PHF14: variants seen among roughly 807,000 people sequenced by gnomAD.
The protein encoded by PHF14 is PHD finger protein 14.
Under a neutral mutation model 117.9 loss-of-function variants are expected in PHF14, and 55 were observed. The observed-to-expected ratio is 0.47, with a 90% CI of 0.38 to 0.58. The LOEUF is 0.58. PHF14 is among the 20% of genes least tolerant of loss of function. The pLI, the probability that PHF14 is intolerant of heterozygous loss-of-function variation, is 0.00. For missense variants in PHF14, 978 were observed against 1,122.2 expected, an observed-to-expected ratio of 0.87 and a Z score of 1.84; for synonymous variants, 409 against 368.6, an observed-to-expected ratio of 1.11 and a Z score of -1.26.
intron 16 of PHF14, among the ~76,000 whole-genome samples, chr7:11,080,774 A>G (rs1333577505): frequency 6.6e-6 from 1 of 152,232 alleles, no homozygotes; most frequent in African/African-American, 2.4e-5. Context: ...TAGTGATGTG[A>G]TTAAAGCATG....
intron 16 of PHF14, chr7:11,107,819 A>C: frequency 1.3e-6 from 1 of 770,634 alleles, no homozygotes; most frequent in South Asian, 5.9e-5. Context: ...TATTTTGATA[A>C]ATTTTGTCCT....
At chr7:11,119,531 A>C (rs893887576) in intron 17 of PHF14, among the ~76,000 whole-genome samples, 1 of 151,866 alleles carries the variant, frequency 6.6e-6, no homozygotes, top group Non-Finnish European at 1.5e-5. Context: ...TAGTGGAATT[A>C]AACTATTCTC....
chr7:11,155,773 G>GTTTTTTTTTTTGT (rs369861089), intron 17 of PHF14, among the ~76,000 whole-genome samples: 2 of 147,482 alleles, frequency 1.4e-5, no homozygotes, highest in African/African-American at 5.0e-5. Context: ...TTTTTTTTTT[G>GTTTTTTTTTTTGT]TTTTTTTTTA....
chr7:11,061,874 T>C, intron 15 of PHF14, 33 bp downstream of exon 15: 2 of 1,528,480 alleles, frequency 1.3e-6, no homozygotes, highest in South Asian at 2.5e-5. Context: ...TACACAGTCT[T>C]AACTTTGAGA....
At chr7:11,035,582 C>T in intron 7 of PHF14, 58 bp from the exon 8 acceptor site, 1 of 1,108,476 alleles carries the variant, frequency 9.0e-7, no homozygotes, top group Non-Finnish European at 1.2e-6. Context: ...TGTGTTAGGT[C>T]TTTTATGACT....
chr7:11,064,569 C>T (rs1322104816), intron 16 of PHF14, among the ~76,000 whole-genome samples: 1 of 151,984 alleles, frequency 6.6e-6, no homozygotes, highest in East Asian at 1.9e-4. Flanking sequence ...ACACTAGAAT[C>T]TGCTCTTCAG....
At chr7:10,978,214 CTT>C (rs1474426576) in intron 2 of PHF14, among the ~76,000 whole-genome samples, 1 of 152,054 alleles carries the variant, frequency 6.6e-6, no homozygotes, top group African/African-American at 2.4e-5. Flanking sequence ...TAGTTTAGCC[CTT>C]TGCTAGATGT....
rs542082600 is a variant in PHF14 at position 11,131,392 on chromosome 7, A to G, written c.2772+19925A>G. Among the ~76,000 whole-genome samples the G allele has an allele frequency of 3.3e-5, 5 of 152,058 alleles. No homozygotes were observed. The South Asian group carries it at 1.0e-3, about 32-fold the overall frequency. The stretch of plus-strand genomic sequence containing the variant: ...GGAAGTAGTTTTCATTTGCAGTTTC[A>G]TAAGGACATGTAGTGTTGAGCATCT... On this transcript the variant is annotated intron_variant, in intron 17 of 17. Coordinates refer to ENST00000634607, the MANE Select transcript of PHF14 (RefSeq NM_001007157.2).
At chr7:11,119,161 G>A (rs895313938) in intron 17 of PHF14, among the ~76,000 whole-genome samples, 2 of 151,796 alleles carry the variant, frequency 1.3e-5, no homozygotes, top group Non-Finnish European at 2.9e-5. Context: ...TCAAAGTACA[G>A]TAGGTTGCCA....
intron 16 of PHF14, among the ~76,000 whole-genome samples, chr7:11,067,262 A>G (rs1421772458): frequency 3.3e-5 from 5 of 152,208 alleles, no homozygotes; most frequent in African/African-American, 1.2e-4. Context: ...GTGAGATACC[A>G]CCTCACACCC....
intron 17 of PHF14, among the ~76,000 whole-genome samples, chr7:11,125,728 CT>C (rs1177124033): frequency 6.6e-6 from 1 of 151,964 alleles, no homozygotes; most frequent in African/African-American, 2.4e-5. Context: ...ATATTGTTCT[CT>C]TTTTTTCCTC....
chr7:11,016,013 G>T (rs914265456), intron 5 of PHF14, among the ~76,000 whole-genome samples: 30 of 152,038 alleles, frequency 2.0e-4, no homozygotes, highest in African/African-American at 7.0e-4. Context: ...GTTACTTCAT[G>T]CTATCATAAT....
At chr7:10,983,804 A>G (rs1389875426) in intron 3 of PHF14, among the ~76,000 whole-genome samples, 3 of 152,124 alleles carry the variant, frequency 2.0e-5, no homozygotes, top group Admixed American at 6.5e-5. Flanking sequence ...CCATCATAAA[A>G]CAGACATTTT....
chr7:10,998,100 A>T (rs940343215), intron 4 of PHF14, among the ~76,000 whole-genome samples: 1 of 152,160 alleles, frequency 6.6e-6, no homozygotes, highest in African/African-American at 2.4e-5. Context: ...AGAAGGGGGA[A>T]CAATTGCTGG....
In PHF14 at chr7:11,104,241, A is replaced by G. The variant is rs1188480435; in HGVS notation, c.2655-7109A>G. On this transcript the variant is annotated intron_variant, in intron 16 of 17. Transcript: ENST00000634607. ...CATCTTGCATTTTCAGTGGTGGTGG[A>G]TATTCTATTCCACATTTGGTGCTAG... 9.1e-6 allele frequency: 9 copies of G among 984,488 alleles called. No homozygotes were observed. The African/African-American group carries it at 1.6e-4, about 17-fold the overall frequency. The allele number at this position is 984,488 out of a possible 1,614,324, so 61.0% of individuals were successfully genotyped here. A position where few individuals can be genotyped will look rare whatever the true frequency, so the allele number is the denominator to read the frequency against.
chr7:11,011,776 G>C (rs1339141527), intron 4 of PHF14, among the ~76,000 whole-genome samples: 2 of 152,242 alleles, frequency 1.3e-5, no homozygotes, highest in East Asian at 1.9e-4. Flanking sequence ...AGGGAAATTT[G>C]ATAATAAGTT....
intron 3 of PHF14, among the ~76,000 whole-genome samples, chr7:10,985,638 GTTTTTTTTTTTTTTTT>G (rs61250143): frequency 1.5e-4 from 7 of 45,964 alleles, no homozygotes; most frequent in East Asian, 7.6e-4. Flanking sequence ...TTCTCAAACT[GTTTTTTTTTTTTTTTT>G]TTTTTTTTTT....
chr7:11,059,624 A>T (rs1453016314), intron 14 of PHF14, among the ~76,000 whole-genome samples: 1 of 152,034 alleles, frequency 6.6e-6, no homozygotes, highest in Non-Finnish European at 1.5e-5. Flanking sequence ...AAATGAAAAG[A>T]TTAGCCAGGT....
chr7:10,991,400 A>T (rs1168779366), intron 4 of PHF14, among the ~76,000 whole-genome samples: 1 of 151,708 alleles, frequency 6.6e-6, no homozygotes, highest in Admixed American at 6.6e-5. Context: ...CTGGTCTTGA[A>T]CTCCTGACCT....
Sources: gnomAD v4.1 joint callset for allele counts (sites outside exome capture counted in the v4.1 genomes callset) on GRCh38, gnomAD v4.1.1 for gene constraint, MANE v1.5 for transcripts, NCBI Gene and HGNC (gene_info 2026-07-23, HGNC 2026-07-21) for gene names.